Variants in NECAB1 observed in about 807,000 individuals in gnomAD.
NECAB1 encodes the protein N-terminal EF-hand calcium-binding protein 1.
A neutral mutation model predicts 57.5 loss-of-function variants in NECAB1; 29 were observed. The ratio of observed to expected loss-of-function variants is 0.50; its 90% CI spans 0.38 to 0.69. The LOEUF (loss-of-function observed/expected upper bound fraction) is 0.69. Among genes scored for constraint, NECAB1 ranks in the 30% least tolerant of loss-of-function variants. The pLI is 0.00. For missense variants in NECAB1, 372 were observed against 413.8 expected (o/e 0.90, Z 0.88); for synonymous variants, 142 against 147.7 (o/e 0.96, Z 0.28).
At chr8:90,880,629 A>G (rs1309536014) in intron 4 of NECAB1, among the ~76,000 whole-genome samples, 1 of 152,112 alleles carries the variant, frequency 6.6e-6, no homozygotes, top group African/African-American at 2.4e-5. Context: ...CCTTGAGAAG[A>G]GCTTAACTTC....
At chr8:90,896,037 C>CT (rs1365134175) in intron 5 of NECAB1, among the ~76,000 whole-genome samples, 1 of 152,094 alleles carries the variant, frequency 6.6e-6, no homozygotes, top group African/African-American at 2.4e-5. Context: ...GCAGATGAGT[C>CT]TTAAGAATTT....
chr8:90,941,969 A>ATG (rs957618064), intron 10 of NECAB1, among the ~76,000 whole-genome samples: 1 of 152,130 alleles, frequency 6.6e-6, no homozygotes, highest in Non-Finnish European at 1.5e-5. Flanking sequence ...TTTTTAGAAA[A>ATG]TGTGTGTGTG....
chr8:90,901,899 T>G (rs915928664), intron 5 of NECAB1, among the ~76,000 whole-genome samples: 1 of 149,412 alleles, frequency 6.7e-6, no homozygotes, highest in Non-Finnish European at 1.5e-5. Context: ...CTCTCTGTAT[T>G]TGTGTGTGTG....
At chr8:90,934,166 CAGT>C (rs1810475268) in intron 8 of NECAB1, 135 bp from the exon 9 acceptor site, 3 of 599,478 alleles carry the variant, frequency 5.0e-6, no homozygotes, top group Non-Finnish European at 8.6e-6. Flanking sequence ...TTAAAAAAAT[CAGT>C]ATTATTTCAT....
chr8:90,906,970 C>T (rs1437001501), intron 5 of NECAB1, among the ~76,000 whole-genome samples: 1 of 147,256 alleles, frequency 6.8e-6, no homozygotes, highest in African/African-American at 2.5e-5. Context: ...ACTGCAGCCT[C>T]GACCTCCTGG....
chr8:90,889,958 TGA>T (rs948216838), intron 5 of NECAB1, among the ~76,000 whole-genome samples: 13 of 101,314 alleles, frequency 1.3e-4, no homozygotes, highest in Admixed American at 8.4e-4. Flanking sequence ...TGTGTGTGTG[TGA>T]GTGTGTGTGT....
chr8:90,901,139 T>C (rs775784079), intron 5 of NECAB1, among the ~76,000 whole-genome samples: 17 of 152,122 alleles, frequency 1.1e-4, no homozygotes, highest in Non-Finnish European at 2.4e-4. Flanking sequence ...CTGGAGATAT[T>C]CATTCCAGCA....
At chr8:90,953,322 T>C (rs1810956585) in intron 12 of NECAB1, among the ~76,000 whole-genome samples, 1 of 152,238 alleles carries the variant, frequency 6.6e-6, no homozygotes, top group Non-Finnish European at 1.5e-5. Flanking sequence ...AATTATTTTC[T>C]AGACACTACT....
intron 2 of NECAB1, chr8:90,813,234 TACAC>T (rs398008736): frequency 0.047 from 4,042 of 85,446 alleles, 57 homozygotes; most frequent in East Asian, 0.15. Context: ...TATGTATATA[TACAC>T]ACACACACAC....
chr8:90,833,910 C>A (rs923054825), intron 3 of NECAB1, among the ~76,000 whole-genome samples: 1 of 152,076 alleles, frequency 6.6e-6, no homozygotes, highest in African/African-American at 2.4e-5. Flanking sequence ...CGCCTGTAAT[C>A]CCAGTACTTT....
chr8:90,859,147 G>A (rs1354533019), intron 3 of NECAB1: 1 of 152,240 alleles, frequency 6.6e-6, no homozygotes, highest in Non-Finnish European at 1.5e-5. Flanking sequence ...AGGGAAGAGA[G>A]AGAAACAAAA....
intron 1 of NECAB1, among the ~76,000 whole-genome samples, chr8:90,797,084 G>A (rs1467486018): frequency 6.6e-6 from 1 of 152,154 alleles, no homozygotes. Flanking sequence ...TCTCAGCTGG[G>A]GCTCCATGGT....
chr8:90,942,496 C>T (rs1450899279), intron 10 of NECAB1, among the ~76,000 whole-genome samples: 1 of 152,082 alleles, frequency 6.6e-6, no homozygotes, highest in Non-Finnish European at 1.5e-5. Flanking sequence ...AAATCAAAAC[C>T]CCATTTTAGT....
At chr8:90,941,766 G>A (rs1810675276) in intron 10 of NECAB1, among the ~76,000 whole-genome samples, 2 of 152,132 alleles carry the variant, frequency 1.3e-5, no homozygotes. Context: ...CTGTGCCTCA[G>A]ACCTGGCTAT....
chr8:90,798,160 C>G (rs536663817), intron 1 of NECAB1, among the ~76,000 whole-genome samples: 1 of 152,180 alleles, frequency 6.6e-6, no homozygotes, highest in Non-Finnish European at 1.5e-5. Context: ...ATCATGTGGT[C>G]TCTATCCTCT....
intron 3 of NECAB1, among the ~76,000 whole-genome samples, chr8:90,836,566 C>T (rs1196575302): frequency 6.6e-6 from 1 of 152,194 alleles, no homozygotes; most frequent in Non-Finnish European, 1.5e-5. Context: ...AACTTTTCCT[C>T]AATCTTCCAC....
intron 4 of NECAB1, 65 bp from the exon 5 acceptor site, chr8:90,880,968 G>A: frequency 1.7e-6 from 2 of 1,195,920 alleles, no homozygotes; most frequent in Non-Finnish European, 2.4e-6. Flanking sequence ...ATAATTAGTT[G>A]ATTTTTTTGT....
chr8:90,930,671 A>C (rs1810383127), intron 8 of NECAB1, among the ~76,000 whole-genome samples: 1 of 152,198 alleles, frequency 6.6e-6, no homozygotes, highest in Non-Finnish European at 1.5e-5. Flanking sequence ...TATTTGTTAA[A>C]TTTATATTGA....
At chr8:90,866,128 TGTTA>T (rs1215804990) in intron 3 of NECAB1, among the ~76,000 whole-genome samples, 2 of 152,214 alleles carry the variant, frequency 1.3e-5, no homozygotes, top group Admixed American at 6.5e-5. Context: ...GGTGCCATTC[TGTTA>T]GTTAGTGTGC....
Sources: allele counts gnomAD v4.1 joint callset (sites outside exome capture counted in the v4.1 genomes callset), GRCh38; gene constraint gnomAD v4.1.1; transcripts MANE v1.5; gene names NCBI Gene and HGNC (gene_info 2026-07-23, HGNC 2026-07-21).